Variants in STK33 observed in about 807,000 individuals in gnomAD.
STK33 encodes the protein serine/threonine-protein kinase 33.
STK33 carries 52 observed loss-of-function variants against 58.0 expected under a neutral mutation model. The observed-to-expected ratio is 0.90, with a 90% CI of 0.72 to 1.13. The LOEUF (loss-of-function observed/expected upper bound fraction) is 1.13, where lower values mean the gene tolerates loss of function less well. STK33 is among the 50% of genes most tolerant of loss of function. The probability of loss-of-function intolerance (pLI) is 0.00; values close to 1 mark genes in which losing one functional copy is unlikely to be tolerated. For missense variants in STK33, 630 were observed against 604.2 expected, an observed-to-expected ratio of 1.04 and a Z score of -0.45; for synonymous variants, 215 against 200.1, an observed-to-expected ratio of 1.07 and a Z score of -0.63.
intron 11 of STK33, among the ~76,000 whole-genome samples, chr11:8,446,485 C>T (rs1301801215): frequency 6.6e-6 from 1 of 151,902 alleles, no homozygotes; most frequent in African/African-American, 2.4e-5. Context: ...GATTTTAGAT[C>T]TTCCCCACTT....
intron 1 of STK33, among the ~76,000 whole-genome samples, chr11:8,489,772 A>T (rs924675243): frequency 1.3e-5 from 2 of 152,194 alleles, no homozygotes; most frequent in Admixed American, 6.5e-5. Flanking sequence ...TTATTTTTTT[A>T]AATTAAATAG....
At chr11:8,583,208 T>G (rs1308059547) in intron 1 of STK33, among the ~76,000 whole-genome samples, 1 of 152,198 alleles carries the variant, frequency 6.6e-6, no homozygotes, top group Non-Finnish European at 1.5e-5. Flanking sequence ...TGTGTCCCCT[T>G]GGTCATACCT....
chr11:8,446,908 G>A (rs1394871839), intron 11 of STK33, among the ~76,000 whole-genome samples: 3 of 152,162 alleles, frequency 2.0e-5, no homozygotes, highest in African/African-American at 7.2e-5. Context: ...ATAGGCATGG[G>A]CAAAGACTTC....
downstream of STK33, among the ~76,000 whole-genome samples, chr11:8,389,081 A>G (rs548444360): frequency 2.7e-5 from 4 of 148,626 alleles, no homozygotes; most frequent in African/African-American, 7.3e-5. Flanking sequence ...CAGGTGGTAA[A>G]CTTAAATGCG....
chr11:8,354,503 C>CACACACACAA, the STK33 span, among the ~76,000 whole-genome samples: 1 of 151,048 alleles, frequency 6.6e-6, no homozygotes, highest in Non-Finnish European at 1.5e-5. Context: ...CACACACACA[C>CACACACACAA]ACACACACAC....
In STK33 at chr11:8,452,843, A is replaced by G; in HGVS notation, c.850T>C (p.Cys284Arg). ...TTACCCATATAGATAGGAGTCCCAC[A>G]TGTGGCCTGCAGCATGGCTTCACTC... ...SRSEAMLQAT[C>R]GTPIYMAPEV... The change falls in exon 11 of 16, where the codon TGT becomes CGT. Residue 284 changes from cysteine to arginine, a missense_variant. Coordinates refer to ENST00000687296, the MANE Select transcript of STK33 (RefSeq NM_001352389.2). The G allele has an allele frequency of 6.2e-7, 1 of 1,614,114 alleles. No homozygotes were observed. Among genetic ancestry groups the G allele is most frequent in the South Asian group, 1.1e-5 (1 of 91,066 alleles).
intron 1 of STK33, among the ~76,000 whole-genome samples, chr11:8,496,404 T>C (rs1328100566): frequency 1.3e-5 from 2 of 152,200 alleles, no homozygotes; most frequent in Non-Finnish European, 2.9e-5. Flanking sequence ...GACTTGAATT[T>C]AGTTTATTCT....
chr11:8,370,388 G>A, the STK33 span, among the ~76,000 whole-genome samples: 1 of 152,034 alleles, frequency 6.6e-6, no homozygotes, highest in East Asian at 1.9e-4. Context: ...TGTAGAGATG[G>A]GGTCTCACTG....
At chr11:8,567,530 A>G (rs532682794) in intron 1 of STK33, among the ~76,000 whole-genome samples, 1 of 152,358 alleles carries the variant, frequency 6.6e-6, no homozygotes, top group South Asian at 2.1e-4. Context: ...GGGATTGGCT[A>G]TAACAAACCA....
chr11:8,349,134 A>G, the STK33 span, among the ~76,000 whole-genome samples: 6 of 152,032 alleles, frequency 3.9e-5, no homozygotes, highest in South Asian at 1.2e-3. Flanking sequence ...TTCCACTTCT[A>G]GCTGTGTGAC....
intron 8 of STK33, among the ~76,000 whole-genome samples, chr11:8,458,420 T>C (rs1947133972): frequency 9.5e-6 from 1 of 105,444 alleles, no homozygotes; most frequent in Non-Finnish European, 1.9e-5. Flanking sequence ...TTATGGGCCA[T>C]TAAAAAAAAA....
At chr11:8,505,871 A>G (rs12295855) in intron 1 of STK33, among the ~76,000 whole-genome samples, 40,131 of 152,004 alleles carry the variant, frequency 0.26, 5,455 homozygotes, top group South Asian at 0.34. Context: ...GCCCTTACTA[A>G]CTAGCTGTGA....
chr11:8,368,441 C>G, the STK33 span, among the ~76,000 whole-genome samples: 1 of 152,230 alleles, frequency 6.6e-6, no homozygotes, highest in Non-Finnish European at 1.5e-5. Flanking sequence ...CTGGCTACCC[C>G]CTCACCCTCA....
In STK33 at chr11:8,507,130, T is replaced by C. The variant is rs574657368; in HGVS notation, c.-465-26516A>G. 7.2e-5 allele frequency among the ~76,000 whole-genome samples: 11 copies of C among 152,212 alleles called. No homozygotes were observed. The South Asian group carries it at 1.0e-3, about 14-fold the overall frequency. Reference sequence around the variant, plus strand: ...TTTACCTAATTTCAGGGATCTGAAATACAAAAAAAGATGACGCAAGGCCTT... The same window carrying C: ...TTTACCTAATTTCAGGGATCTGAAACACAAAAAAAGATGACGCAAGGCCTT... On this transcript the variant is annotated intron_variant, in intron 1 of 15. Coordinates refer to ENST00000687296, the MANE Select transcript of STK33 (RefSeq NM_001352389.2).
At chr11:8,549,071 A>C (rs1038950465) in intron 1 of STK33, among the ~76,000 whole-genome samples, 54 of 152,112 alleles carry the variant, frequency 3.6e-4, no homozygotes, top group Non-Finnish European at 7.5e-4. Context: ...CCACCAAAAA[A>C]CTGTTAGAAC....
chr11:8,474,926 A>G lies in STK33; in HGVS notation c.-21T>C. On this transcript the variant is annotated 5_prime_UTR_variant, in exon 5 of 16. Coordinates refer to ENST00000687296, the MANE Select transcript of STK33 (RefSeq NM_001352389.2). ...GCCATTTGTTTAACTCTGCAACAAAAGCAACTTTAAAAATGTTTCCACTGT... is the reference window on the plus strand; with the variant it reads ...GCCATTTGTTTAACTCTGCAACAAAGGCAACTTTAAAAATGTTTCCACTGT... 1 of 1,548,072 alleles carries G rather than the reference A, an allele frequency of 6.5e-7. No homozygotes were observed. The highest frequency in any genetic ancestry group is 8.7e-7 in the Non-Finnish European group (1 of 1,149,530).
At chr11:8,406,606 C>T (rs1037748304) in intron 15 of STK33, among the ~76,000 whole-genome samples, 6 of 152,134 alleles carry the variant, frequency 3.9e-5, no homozygotes, top group African/African-American at 1.2e-4. Context: ...AGATTTTTCA[C>T]TAAGTGTTTT....
At chr11:8,416,908 G>A (rs1016041010) in intron 14 of STK33, among the ~76,000 whole-genome samples, 3 of 152,170 alleles carry the variant, frequency 2.0e-5, no homozygotes, top group African/African-American at 7.2e-5. Flanking sequence ...TGTGCATCTG[G>A]ATAACTTACT....
At chr11:8,361,962 C>A in the STK33 span, among the ~76,000 whole-genome samples, 10 of 152,232 alleles carry the variant, frequency 6.6e-5, no homozygotes, top group African/African-American at 2.2e-4. The surrounding 1 kb of genome is among the most constrained non-coding windows in gnomAD (Gnocchi z 4.8). Context: ...TGGTCAGACA[C>A]CTCCCCAGGA....
Sources: allele counts gnomAD v4.1 joint callset (sites outside exome capture counted in the v4.1 genomes callset), GRCh38; gene constraint gnomAD v4.1.1; non-coding constraint Gnocchi (gnomAD v3.1); transcripts MANE v1.5; gene names NCBI Gene and HGNC (gene_info 2026-07-23, HGNC 2026-07-21).